The following CSMD1 variants were observed in gnomAD, a reference collection of about 807,000 sequenced individuals.
CSMD1 encodes the protein CUB and sushi domain-containing protein 1.
In CSMD1, 213 loss-of-function variants were observed where a neutral mutation model predicts 417.5. The ratio of observed to expected loss-of-function variants is 0.51; its 90% confidence interval spans 0.46 to 0.57. The LOEUF (loss-of-function observed/expected upper bound fraction) is 0.57. Among genes scored for constraint, CSMD1 ranks in the 20% least tolerant of loss-of-function variants. CSMD1 has a pLI of 0.00. For missense variants in CSMD1, 6,923 were observed against 4,529.7 expected, an observed-to-expected ratio of 1.53 and a Z score of -15.17; for synonymous variants, 2,862 against 1,736.8, an observed-to-expected ratio of 1.65 and a Z score of -16.11.
At chr8:3,245,036 G>A (rs1257286652) in intron 26 of CSMD1, among the ~76,000 whole-genome samples, 1 of 152,184 alleles carries the variant, frequency 6.6e-6, no homozygotes. Context: ...GGACAGGAGG[G>A]TATTTTAGAA....
intron 5 of CSMD1, among the ~76,000 whole-genome samples, chr8:3,869,772 T>C (rs1175137368): frequency 6.6e-6 from 1 of 152,090 alleles, no homozygotes; most frequent in East Asian, 1.9e-4. Context: ...GGCCAGGGGT[T>C]TGATGTCAGG....
Position 4,453,374 on chromosome 8 carries a change from T to A in CSMD1, c.303-33309A>T, listed in dbSNP as rs138198533. Among the ~76,000 whole-genome samples the A allele has an allele frequency of 1.5e-3, 235 of 152,278 alleles. 1 individual carries two copies. The highest frequency in any genetic ancestry group is 5.5e-3 in the African/African-American group (227 of 41,540). On this transcript the variant is annotated intron_variant, in intron 2 of 69. Coordinates refer to ENST00000635120, the MANE Select transcript of CSMD1 (RefSeq NM_033225.6). ...CAGTCTGCTGGGATTGGGGGTCTCC[T>A]GGGCACAGAACTTGGTGCTGAAGTC... is the stretch of plus-strand genomic sequence containing the variant.
intron 40 of CSMD1, 179 bp downstream of exon 40, chr8:3,151,218 T>G (rs896872729): frequency 1.9e-6 from 1 of 519,696 alleles, no homozygotes; most frequent in Non-Finnish European, 3.4e-6. Context: ...TTAATTGATT[T>G]TTCAAATAAG....
At chr8:4,319,468 T>G (rs1311835968) in intron 3 of CSMD1, among the ~76,000 whole-genome samples, 1 of 152,072 alleles carries the variant, frequency 6.6e-6, no homozygotes, top group Non-Finnish European at 1.5e-5. Context: ...TACTCCTTCT[T>G]AAGGCTTTGC....
intron 5 of CSMD1, among the ~76,000 whole-genome samples, chr8:3,991,284 T>A (rs1309066066): frequency 1.3e-5 from 2 of 152,218 alleles, no homozygotes; most frequent in African/African-American, 4.8e-5. Context: ...GAAGTTCGCA[T>A]TATTTGCCTA....
chr8:3,709,106 T>C (rs1364519273), intron 6 of CSMD1, among the ~76,000 whole-genome samples: 2 of 152,012 alleles, frequency 1.3e-5, no homozygotes, highest in Admixed American at 6.6e-5. Context: ...GAGTTAAATA[T>C]GTTTCTTGAT....
intron 1 of CSMD1, among the ~76,000 whole-genome samples, chr8:4,747,037 G>T (rs1293635747): frequency 1.3e-5 from 2 of 152,132 alleles, no homozygotes; most frequent in East Asian, 3.9e-4. Context: ...TGAGTAGGGA[G>T]GGCCTCCCCA....
intron 26 of CSMD1, among the ~76,000 whole-genome samples, chr8:3,256,912 A>G (rs965514569): frequency 3.9e-5 from 6 of 152,278 alleles, no homozygotes; most frequent in Non-Finnish European, 7.3e-5. Context: ...ATGCAAAAAT[A>G]GAATGTTAAC....
intron 1 of CSMD1, among the ~76,000 whole-genome samples, chr8:4,805,783 G>T (rs777084528): frequency 1.3e-5 from 2 of 152,130 alleles, no homozygotes; most frequent in African/African-American, 4.8e-5. Context: ...ATGATTCAGG[G>T]TGAACACGTT....
intron 33 of CSMD1, among the ~76,000 whole-genome samples, chr8:3,196,085 C>T (rs28612491): frequency 0.17 from 25,918 of 152,114 alleles, 2,596 homozygotes; most frequent in Non-Finnish European, 0.23. Context: ...GAAGCCGGCC[C>T]AAATCCACCA....
chr8:3,599,859 C>G (rs1199803631), intron 8 of CSMD1, among the ~76,000 whole-genome samples: 2 of 152,150 alleles, frequency 1.3e-5, no homozygotes, highest in Non-Finnish European at 2.9e-5. Context: ...CTTTCATACA[C>G]AAGAAAGTGT....
At chr8:4,236,039 G>GTTTTTTTTTTTTTTTTTTTTTTTTTTTTT (rs869245155) in intron 3 of CSMD1, among the ~76,000 whole-genome samples, 6 of 31,678 alleles carry the variant, frequency 1.9e-4, no homozygotes, top group African/African-American at 4.1e-4. Flanking sequence ...TTTTTTGTTT[G>GTTTTTTTTTTTTTTTTTTTTTTTTTTTTT]TTTTTTTTTT....
chr8:4,435,215 G>T (rs984515684), intron 2 of CSMD1, among the ~76,000 whole-genome samples: 1 of 152,066 alleles, frequency 6.6e-6, no homozygotes, highest in African/African-American at 2.4e-5. Context: ...CAGCCAATCT[G>T]ATCTTTGGAA....
chr8:4,077,412 T>C (rs1799890786), intron 3 of CSMD1, among the ~76,000 whole-genome samples: 1 of 151,304 alleles, frequency 6.6e-6, no homozygotes, highest in Admixed American at 6.6e-5. Flanking sequence ...AAGCTCTTAA[T>C]AATTTTTATA....
chr8:2,941,309 A>G (rs1369503684), intron 69 of CSMD1, among the ~76,000 whole-genome samples: 1 of 152,226 alleles, frequency 6.6e-6, no homozygotes, highest in Non-Finnish European at 1.5e-5. Flanking sequence ...GCAAATATTT[A>G]AAGAGGCTAT....
intron 3 of CSMD1, among the ~76,000 whole-genome samples, chr8:4,253,109 T>C (rs1803196468): frequency 6.6e-6 from 1 of 152,248 alleles, no homozygotes; most frequent in South Asian, 2.1e-4. Flanking sequence ...TAGGATTATC[T>C]GTGGAACTGG....
chr8:3,553,689 G>A (rs1188462439), intron 10 of CSMD1, among the ~76,000 whole-genome samples: 7 of 152,168 alleles, frequency 4.6e-5, no homozygotes, highest in African/African-American at 1.7e-4. Flanking sequence ...ACCAATTTTA[G>A]TAGGTCCATA....
At chr8:4,642,390 C>A (rs1315352545) in intron 1 of CSMD1, among the ~76,000 whole-genome samples, 1 of 152,144 alleles carries the variant, frequency 6.6e-6, no homozygotes, top group Non-Finnish European at 1.5e-5. Context: ...GAACACCCCC[C>A]TACAGTTGGT....
rs545266064 is a variant in CSMD1, at chr8:3,462,493, C to T, written c.1561+6219G>A. ...CTAGGAGTGTGAACCCTATTGTGAA[C>T]TGCACATGCGAGGGATCTAGGCTGC... On this transcript the variant is annotated intron_variant, in intron 12 of 69. Transcript: ENST00000635120. Among the ~76,000 whole-genome samples, 8 of 152,256 alleles carry T rather than the reference C, an allele frequency of 5.3e-5. 1 individual carries two copies. The South Asian group carries it at 1.0e-3, about 20-fold the overall frequency.
Sources: gnomAD v4.1 joint callset for allele counts (sites outside exome capture counted in the v4.1 genomes callset) on GRCh38, gnomAD v4.1.1 for gene constraint, MANE v1.5 for transcripts, NCBI Gene and HGNC (gene_info 2026-07-23, HGNC 2026-07-21) for gene names.